Variants in PPHLN1 observed in about 807,000 individuals in gnomAD.
PPHLN1 encodes periphilin-1.
A neutral mutation model predicts 51.3 loss-of-function variants in PPHLN1; 29 were observed. The observed-to-expected ratio is 0.57, with a 90% confidence interval of 0.42 to 0.77. The LOEUF is 0.77. PPHLN1 is among the 30% of genes least tolerant of loss of function. The pLI, the probability that PPHLN1 is intolerant of heterozygous loss-of-function variation, is 0.00. For missense variants in PPHLN1, 436 were observed against 438.4 expected (o/e 0.99, Z 0.05); for synonymous variants, 147 against 147.8 (o/e 0.99, Z 0.04).
At chr12:42,347,818 C>T (rs918960693) in intron 2 of PPHLN1, among the ~76,000 whole-genome samples, 1 of 152,164 alleles carries the variant, frequency 6.6e-6, no homozygotes, top group Admixed American at 6.5e-5. Flanking sequence ...CTTTGCCACT[C>T]ATCATAGATT....
intron 9 of PPHLN1, among the ~76,000 whole-genome samples, chr12:42,408,243 C>T (rs79939039): frequency 2.0e-5 from 3 of 151,912 alleles, no homozygotes; most frequent in East Asian, 3.9e-4. Context: ...TGGTGGCTCA[C>T]GCCTGTAATC....
chr12:42,426,228 A>ACACACCCC (rs371819974), intron 9 of PPHLN1, among the ~76,000 whole-genome samples: 2 of 129,788 alleles, frequency 1.5e-5, no homozygotes, highest in African/African-American at 6.6e-5. Context: ...ACACACACAC[A>ACACACCCC]CCCTCATGCA....
At chr12:42,377,344 T>C (rs2076363638) in intron 5 of PPHLN1, among the ~76,000 whole-genome samples, 1 of 148,342 alleles carries the variant, frequency 6.7e-6, no homozygotes, top group Non-Finnish European at 1.5e-5. Flanking sequence ...TCTTGCTCTG[T>C]CACCCAGGCT....
downstream of PPHLN1, chr12:42,445,000 C>G (rs991764446): frequency 1.4e-6 from 1 of 698,124 alleles, no homozygotes; most frequent in African/African-American, 1.8e-5. Context: ...TCTGTTCAGC[C>G]CATCAATATT....
At chr12:42,385,422 GTGTTCC>G (rs2077113558) in intron 6 of PPHLN1, among the ~76,000 whole-genome samples, 1 of 152,144 alleles carries the variant, frequency 6.6e-6, no homozygotes, top group African/African-American at 2.4e-5. Flanking sequence ...CCACCCTTCA[GTGTTCC>G]TTTGCTTTTG....
chr12:42,439,142 T>C (rs769696731), intron 9 of PPHLN1, among the ~76,000 whole-genome samples: 4 of 152,242 alleles, frequency 2.6e-5, no homozygotes, highest in Non-Finnish European at 5.9e-5. Flanking sequence ...TTTTTTCCTC[T>C]GTTATCTTCT....
chr12:42,330,741 G>A (rs186118633), intron 1 of PPHLN1, among the ~76,000 whole-genome samples: 2 of 152,040 alleles, frequency 1.3e-5, no homozygotes, highest in African/African-American at 4.8e-5. Flanking sequence ...ATGGAGTCTC[G>A]CTCTGTCACC....
At chr12:42,434,712 G>A (rs1384538814) in intron 9 of PPHLN1, among the ~76,000 whole-genome samples, 1 of 152,118 alleles carries the variant, frequency 6.6e-6, no homozygotes, top group Non-Finnish European at 1.5e-5. Flanking sequence ...TTTGTTTTTT[G>A]AGACGGAGTC....
chr12:42,384,089 G>A lies in PPHLN1; in HGVS notation c.512-851G>A, dbSNP rs181908185. Among the ~76,000 whole-genome samples, 400 of 151,286 alleles carry A rather than the reference G, an allele frequency of 2.6e-3. 1 individual carries two copies. Among genetic ancestry groups the A allele is most frequent in the African/African-American group, 9.3e-3 (382 of 41,284 alleles). The stretch of plus-strand genomic sequence containing the variant: ...TTATCAGGAGAAACAAAACTTGCTG[G>A]ATGCCAGAGAAAGATAGTGAATAAT... On this transcript the variant is annotated intron_variant, in intron 5 of 9. Transcript: ENST00000358314.
chr12:42,432,157 C>G (rs2139869152), intron 9 of PPHLN1: 2 of 943,514 alleles, frequency 2.1e-6, no homozygotes, highest in Non-Finnish European at 3.5e-6. Context: ...TCTCGATCAT[C>G]TTCTTCAATG....
At chr12:42,380,641 T>G (rs1175934784) in intron 5 of PPHLN1, among the ~76,000 whole-genome samples, 1 of 152,166 alleles carries the variant, frequency 6.6e-6, no homozygotes, top group Non-Finnish European at 1.5e-5. Flanking sequence ...TTAAAAAAAC[T>G]ATTCTAGACT....
intron 9 of PPHLN1, among the ~76,000 whole-genome samples, chr12:42,417,780 A>T (rs971702788): frequency 6.6e-6 from 1 of 151,964 alleles, no homozygotes; most frequent in Non-Finnish European, 1.5e-5. Flanking sequence ...AAGAAGTTCG[A>T]CCAGTTCTGA....
intron 4 of PPHLN1, among the ~76,000 whole-genome samples, chr12:42,371,901 G>A (rs1410308732): frequency 6.6e-6 from 1 of 152,000 alleles, no homozygotes; most frequent in South Asian, 2.1e-4. Context: ...CTGTGGCTTG[G>A]CTATATTTCT....
intron 4 of PPHLN1, among the ~76,000 whole-genome samples, chr12:42,360,684 G>A (rs1358820206): frequency 2.0e-5 from 3 of 151,756 alleles, no homozygotes; most frequent in Admixed American, 6.6e-5. Flanking sequence ...TAGTAGAGAC[G>A]AGGTTTCATT....
intron 7 of PPHLN1, among the ~76,000 whole-genome samples, chr12:42,389,559 C>T: frequency 6.6e-6 from 1 of 151,684 alleles, no homozygotes; most frequent in Non-Finnish European, 1.5e-5. Context: ...GACTCTGTCT[C>T]AAAAAAACAA....
chr12:42,378,088 TTCTCTTTCTTTCTTTC>T (rs957016183), intron 5 of PPHLN1, among the ~76,000 whole-genome samples: 3 of 121,598 alleles, frequency 2.5e-5, no homozygotes, highest in Non-Finnish European at 5.3e-5. Context: ...CTATCTATCT[TTCTCTTTCTTTCTTTC>T]TTTCTTTCTT....
At chr12:42,358,249 A>T (rs1214050730) in intron 4 of PPHLN1, among the ~76,000 whole-genome samples, 1 of 152,200 alleles carries the variant, frequency 6.6e-6, no homozygotes, top group East Asian at 1.9e-4. Context: ...CATTTTGTGT[A>T]TGTATATAAC....
At chr12:42,358,001 G>A (rs2074232149) in intron 4 of PPHLN1, among the ~76,000 whole-genome samples, 1 of 152,086 alleles carries the variant, frequency 6.6e-6, no homozygotes, top group African/African-American at 2.4e-5. Context: ...TTTCTGAGTT[G>A]TTTCACTTAA....
chr12:42,378,247 A>G (rs564103337), intron 5 of PPHLN1, among the ~76,000 whole-genome samples: 3 of 152,228 alleles, frequency 2.0e-5, no homozygotes, highest in African/African-American at 7.2e-5. Context: ...ACTTGGGCTG[A>G]ACTATGAAAA....
Sources: gnomAD v4.1 joint callset for allele counts (sites outside exome capture counted in the v4.1 genomes callset) on GRCh38, gnomAD v4.1.1 for gene constraint, MANE v1.5 for transcripts, NCBI Gene and HGNC (gene_info 2026-07-23, HGNC 2026-07-21) for gene names.